The following MTMR7 variants were observed in gnomAD, a reference collection of about 807,000 sequenced individuals.
MTMR7 encodes phosphatidylinositol-3-phosphate phosphatase MTMR7.
MTMR7 carries 76 observed loss-of-function variants against 81.2 expected under a neutral mutation model. That is an observed-to-expected ratio of 0.94 (90% CI 0.78 to 1.13). MTMR7 has a LOEUF of 1.13. Ranked by LOEUF, MTMR7 falls within the 50% of genes most tolerant of loss-of-function variation. The pLI is 0.00. For missense variants in MTMR7, 1,044 were observed against 820.0 expected, an observed-to-expected ratio of 1.27 and a Z score of -3.34; for synonymous variants, 372 against 289.8, an observed-to-expected ratio of 1.28 and a Z score of -2.88.
intron 1 of MTMR7, among the ~76,000 whole-genome samples, chr8:17,388,421 A>G (rs1192450008): frequency 6.6e-6 from 1 of 152,238 alleles, no homozygotes; most frequent in Non-Finnish European, 1.5e-5. Flanking sequence ...AAATGTATGG[A>G]ATGACCTACT....
intron 7 of MTMR7, among the ~76,000 whole-genome samples, chr8:17,314,119 G>C (rs1817933276): frequency 6.6e-6 from 1 of 152,088 alleles, no homozygotes; most frequent in Non-Finnish European, 1.5e-5. Flanking sequence ...TTCACCTCAG[G>C]AGCTTCTTTT....
In MTMR7 at chr8:17,315,240, T is replaced by C. The variant is rs553268748; in HGVS notation, c.866-1839A>G. 2.1e-4 allele frequency among the ~76,000 whole-genome samples: 32 copies of C among 152,224 alleles called. 2 individuals carry two copies. The South Asian group carries it at 6.6e-3, about 32-fold the overall frequency. Reference sequence around the variant, plus strand: ...TAAGGGAAAGAAGCCAACTTTTCCTTGAAAAGGCTACATATTATATGATGT... The same window carrying C: ...TAAGGGAAAGAAGCCAACTTTTCCTCGAAAAGGCTACATATTATATGATGT... On this transcript the variant is annotated intron_variant, in intron 7 of 13. Coordinates refer to ENST00000180173, the MANE Select transcript of MTMR7 (RefSeq NM_004686.5).
intron 13 of MTMR7, among the ~76,000 whole-genome samples, chr8:17,300,700 A>G (rs1563310779): frequency 6.6e-6 from 1 of 152,254 alleles, no homozygotes; most frequent in Admixed American, 6.5e-5. Flanking sequence ...AACGATCACT[A>G]CTAATTATAA....
rs529731579 is a variant in MTMR7 at position 17,379,787 on chromosome 8, GT to G, written c.25-6548del. Among the ~76,000 whole-genome samples the G allele has an allele frequency of 8.5e-5, 13 of 152,176 alleles. No homozygotes were observed. In the South Asian group the frequency reaches 1.7e-3, roughly 19 times the overall value. On this transcript the variant is annotated intron_variant, in intron 1 of 13. Transcript: ENST00000180173. ...TAAGTGTTTTTGGGGTTTTTTGATT[GT>G]TTGTTTTTGTTTTTGTTTTTTTAAT...
chr8:17,407,688 G>A (rs1175765114), intron 1 of MTMR7, among the ~76,000 whole-genome samples: 1 of 151,914 alleles, frequency 6.6e-6, no homozygotes, highest in Non-Finnish European at 1.5e-5. Flanking sequence ...AAATTGAACT[G>A]GGTGATCCTA....
At chr8:17,348,921 A>T (rs1362684490) in intron 5 of MTMR7, 32 bp downstream of exon 5, 5 of 1,612,852 alleles carry the variant, frequency 3.1e-6, no homozygotes, top group Non-Finnish European at 4.2e-6. Context: ...AGAAAAGCAA[A>T]GTGTAAAACA....
intron 1 of MTMR7, among the ~76,000 whole-genome samples, chr8:17,394,307 G>A (rs1362225723): frequency 6.6e-6 from 1 of 152,128 alleles, no homozygotes; most frequent in Non-Finnish European, 1.5e-5. Context: ...TCCATCAACT[G>A]ATGAATGCAT....
intron 1 of MTMR7, among the ~76,000 whole-genome samples, chr8:17,395,066 C>T (rs1248390130): frequency 1.3e-5 from 2 of 152,104 alleles, no homozygotes; most frequent in Admixed American, 1.3e-4. Context: ...AACTATTAAG[C>T]AAAAACCCTT....
intron 1 of MTMR7, among the ~76,000 whole-genome samples, chr8:17,410,844 A>G (rs149491461): frequency 9.5e-4 from 144 of 152,328 alleles, no homozygotes; most frequent in African/African-American, 3.3e-3. Flanking sequence ...TACATTATAC[A>G]TGCATACAAT....
At position 17,302,146 on chromosome 8, in the gene MTMR7, T is replaced by C. The variant is rs377016689; in HGVS notation, c.1620+8A>G. On this transcript the variant is annotated splice_region_variant and intron_variant, in intron 13 of 13. Coordinates refer to ENST00000180173, the MANE Select transcript of MTMR7 (RefSeq NM_004686.5). ...AGAAAATAGATTAACAAAGCAAGTA[T>C]GTCTTACTTCTTCCAGGGCCTCTAG... is the stretch of plus-strand genomic sequence containing the variant. 2.5e-6 allele frequency: 4 copies of C among 1,614,050 alleles called. No individual in the cohort carries two copies. Among genetic ancestry groups the C allele is most frequent in the South Asian group, 1.1e-5 (1 of 91,068 alleles).
intron 1 of MTMR7, among the ~76,000 whole-genome samples, chr8:17,378,883 T>C (rs1284089931): frequency 6.6e-6 from 1 of 152,144 alleles, no homozygotes; most frequent in Admixed American, 6.5e-5. Context: ...ATGTGATAAA[T>C]TTAGTCTTTA....
chr8:17,380,064 C>T (rs943288486), intron 1 of MTMR7, among the ~76,000 whole-genome samples: 18 of 152,108 alleles, frequency 1.2e-4, no homozygotes, highest in East Asian at 5.8e-4. Context: ...CGATCTGCAA[C>T]GTGAACTAAT....
At chr8:17,346,100 T>C (rs1819543468) in intron 5 of MTMR7, 1 of 152,242 alleles carries the variant, frequency 6.6e-6, no homozygotes, top group Admixed American at 6.5e-5. Context: ...GGTATTTCAG[T>C]GTCTTCCATT....
chr8:17,377,357 C>A (rs894310410), intron 1 of MTMR7, among the ~76,000 whole-genome samples: 14 of 152,044 alleles, frequency 9.2e-5, no homozygotes. Flanking sequence ...TTTTTACAAT[C>A]TTTTAATTCT....
intron 1 of MTMR7, among the ~76,000 whole-genome samples, chr8:17,410,918 G>C (rs1039239312): frequency 6.6e-6 from 1 of 152,050 alleles, no homozygotes; most frequent in Admixed American, 6.5e-5. Flanking sequence ...CAGTGGGCCA[G>C]AAAAACAAAC....
At chr8:17,389,843 C>T (rs1821050341) in intron 1 of MTMR7, among the ~76,000 whole-genome samples, 2 of 151,872 alleles carry the variant, frequency 1.3e-5, no homozygotes, top group African/African-American at 4.8e-5. Flanking sequence ...GAAAAAAAAA[C>T]ATGTTTGTTG....
At position 17,341,428 on chromosome 8, in the gene MTMR7, G is replaced by A. The variant is rs1372932342; in HGVS notation, c.667C>T (p.Leu223Phe). The change falls in exon 6 of 14, where the codon CTC becomes TTC. Residue 223 changes from leucine (L) to phenylalanine (F), a missense_variant. Coordinates refer to ENST00000180173, the MANE Select transcript of MTMR7 (RefSeq NM_004686.5). ...GGATTGGCTTTCCTAATGGCCTGGA[G>A]CATCTGCTCGTCCTCTAGGCACCGG... is the stretch of plus-strand genomic sequence containing the variant. Reference protein sequence around the residue: ...SARCLEDEQMLQAIRKANPGS... With the variant: ...SARCLEDEQMFQAIRKANPGS... The A allele has an allele frequency of 3.1e-6, 5 of 1,614,092 alleles. No individual in the cohort carries two copies. In the Admixed American group the frequency reaches 5.0e-5, roughly 16 times the overall value.
At chr8:17,341,537 A>G in intron 5 of MTMR7, 40 bp from the exon 6 acceptor site, 1 of 1,607,806 alleles carries the variant, frequency 6.2e-7, no homozygotes, top group Non-Finnish European at 8.5e-7. Flanking sequence ...CCATCAGGTA[A>G]CTGTACCCAT....
chr8:17,400,028 G>T (rs775535728), intron 1 of MTMR7, among the ~76,000 whole-genome samples: 13 of 152,074 alleles, frequency 8.5e-5, no homozygotes, highest in Non-Finnish European at 1.2e-4. Flanking sequence ...CTTTTCTCTA[G>T]GATTGTATCT....
Sources: gnomAD v4.1 joint callset for allele counts (sites outside exome capture counted in the v4.1 genomes callset) on GRCh38, gnomAD v4.1.1 for gene constraint, MANE v1.5 for transcripts, NCBI Gene and HGNC (gene_info 2026-07-23, HGNC 2026-07-21) for gene names.